The following ANTXRL variants were observed in gnomAD, a reference collection of about 807,000 sequenced individuals.
ANTXRL encodes ANTXR like.
Under a neutral mutation model 75.4 loss-of-function variants are expected in ANTXRL, and 63 were observed. The ratio of observed to expected loss-of-function variants is 0.84; its 90% confidence interval spans 0.68 to 1.03. The LOEUF (loss-of-function observed/expected upper bound fraction) is 1.03. ANTXRL is among the 50% of genes least tolerant of loss of function. The pLI is 0.00. For missense variants in ANTXRL, 797 were observed against 789.4 expected (o/e 1.01, Z -0.12); for synonymous variants, 335 against 291.3 (o/e 1.15, Z -1.53).
intron 10 of ANTXRL, among the ~76,000 whole-genome samples, chr10:46,303,168 C>A (rs1317866305): frequency 1.3e-5 from 2 of 152,200 alleles, no homozygotes; most frequent in African/African-American, 4.8e-5. Context: ...GCCCACAAGG[C>A]TACTTCTAGG....
intron 9 of ANTXRL, among the ~76,000 whole-genome samples, chr10:46,300,628 T>C (rs34576453): frequency 0.083 from 12,517 of 151,474 alleles, 1,210 homozygotes; most frequent in African/African-American, 0.24. Flanking sequence ...GCACAGGCAC[T>C]CTGCAAGCCT....
Position 46,316,719 on chromosome 10 carries a change from C to T in ANTXRL, c.1410+3403C>T, listed in dbSNP as rs372352802. ...TCTCTCTACAGTGCAAAATGTCACA[C>T]GGCAGGTCCTCAAATAACGTTTCAT... is the stretch of plus-strand genomic sequence containing the variant. On this transcript the variant is annotated intron_variant, in intron 16 of 16. Transcript: ENST00000620264. Among the ~76,000 whole-genome samples the T allele has an allele frequency of 1.4e-4, 22 of 152,240 alleles. No individual in the cohort carries two copies. The East Asian group carries it at 2.7e-3, about 19-fold the overall frequency.
intron 16 of ANTXRL, among the ~76,000 whole-genome samples, chr10:46,319,860 C>T (rs1481244950): frequency 6.6e-6 from 1 of 152,082 alleles, no homozygotes; most frequent in Non-Finnish European, 1.5e-5. Flanking sequence ...ACAGTAATAC[C>T]AGCCAGCCAC....
At chr10:46,312,351 G>T (rs1243217829) in intron 15 of ANTXRL, among the ~76,000 whole-genome samples, 2 of 147,516 alleles carry the variant, frequency 1.4e-5, no homozygotes, top group Admixed American at 6.8e-5. Context: ...CTCCTTCACG[G>T]GCGGGTCCAG....
At chr10:46,313,511 A>G (rs544001766) in intron 16 of ANTXRL, among the ~76,000 whole-genome samples, 195 bp downstream of exon 16, 2 of 152,290 alleles carry the variant, frequency 1.3e-5, no homozygotes, top group African/African-American at 2.4e-5. Flanking sequence ...TCCTTTGTTC[A>G]TCACCTGGGG....
At chr10:46,297,520 C>T in intron 7 of ANTXRL, 46 bp downstream of exon 7, 1 of 1,525,524 alleles carries the variant, frequency 6.6e-7, no homozygotes, top group Non-Finnish European at 8.8e-7. Context: ...GCCTAGTGGT[C>T]ACTTTCGAGC....
chr10:46,300,034 C>T (rs1352073946), intron 9 of ANTXRL, among the ~76,000 whole-genome samples: 3 of 152,194 alleles, frequency 2.0e-5, no homozygotes, highest in Non-Finnish European at 2.9e-5. Flanking sequence ...ATGATGTCCC[C>T]TGGACACGCA....
intron 1 of ANTXRL, among the ~76,000 whole-genome samples, chr10:46,290,002 GAAT>G (rs569909761): frequency 1.3e-5 from 2 of 149,048 alleles, no homozygotes; most frequent in African/African-American, 2.5e-5. Flanking sequence ...TTTTATGGCT[GAAT>G]AATATTTCTC....
In ANTXRL at chr10:46,311,815, A is replaced by C. The variant is rs1418021137; in HGVS notation, c.1329+150A>C. On this transcript the variant is annotated intron_variant, in intron 15 of 16. Coordinates refer to ENST00000620264, the MANE Select transcript of ANTXRL (RefSeq NM_001278688.3). ...TGGACACTTGATGTCAAGAGCAACC[A>C]GATGCCCACCTCACCCTCGTGCCCC... 27 of 558,250 alleles carry C rather than the reference A, an allele frequency of 4.8e-5. 1 individual carries two copies. The highest frequency in any genetic ancestry group is 7.3e-5 in the Non-Finnish European group (23 of 315,872). 34.6% of individuals were successfully genotyped at this position (558,250 alleles called of 1,614,324 possible). A position where few individuals can be genotyped will look rare whatever the true frequency, so the allele number is the denominator to read the frequency against.
chr10:46,289,115 C>T (rs1390411299), intron 1 of ANTXRL, among the ~76,000 whole-genome samples: 2 of 152,154 alleles, frequency 1.3e-5, no homozygotes, highest in African/African-American at 4.8e-5. Flanking sequence ...GAAACAACAT[C>T]TACTGCCTGC....
At chr10:46,302,110 T>C (rs1229860480) in intron 9 of ANTXRL, among the ~76,000 whole-genome samples, 1 of 152,138 alleles carries the variant, frequency 6.6e-6, no homozygotes, top group Non-Finnish European at 1.5e-5. Flanking sequence ...GAATCACAGC[T>C]AAAACAGGGC....
Position 46,296,090 on chromosome 10 carries a change from G to A in ANTXRL, c.464G>A (p.Gly155Glu), listed in dbSNP as rs1554958544. 5.2e-6 allele frequency: 8 copies of A among 1,535,878 alleles called. No individual in the cohort carries two copies. The South Asian group carries it at 7.1e-5, about 14-fold the overall frequency. Reference sequence around the variant, plus strand: ...GACGGTCACACATTCATGCAGGCAGGATTTAGAAAGGTATAGACCCCTTGA... The same window carrying A: ...GACGGTCACACATTCATGCAGGCAGAATTTAGAAAGGTATAGACCCCTTGA... ...VPDGHTFMQA[G>E]FRKAIQQIES... The change falls in exon 4 of 17, where the codon GGA (glycine) becomes GAA (glutamate). Residue 155 changes from glycine (G) to glutamate (E), a missense_variant. Gly to Glu is a moderately conservative substitution (Grantham distance 98). Transcript: ENST00000620264.
chr10:46,313,289 A>G lies in ANTXRL; in HGVS notation c.1383A>G (p.Pro461=), dbSNP rs1272405484. 190 of 1,535,794 alleles carry G rather than the reference A, an allele frequency of 1.2e-4. No homozygotes were observed. The highest frequency in any genetic ancestry group is 1.6e-4 in the Non-Finnish European group (185 of 1,146,742). The change falls in exon 16 of 17, where the codon CCA becomes CCG. Residue 461 remains proline, a synonymous_variant. Transcript: ENST00000620264. The part of the protein sequence containing the change: ...DLSHASCHQV[P]WMCCQSRDQG... ...CTCACGCAAGCTGCCACCAGGTGCC[A>G]TGGATGTGTTGTCAGAGCAGGGACC...
intron 1 of ANTXRL, among the ~76,000 whole-genome samples, chr10:46,289,513 A>G (rs1276137208): frequency 6.6e-6 from 1 of 152,114 alleles, no homozygotes; most frequent in Admixed American, 6.5e-5. Flanking sequence ...GGATCGCTTG[A>G]GTCTAGGAGT....
intron 10 of ANTXRL, among the ~76,000 whole-genome samples, chr10:46,306,321 C>T (rs1299275862): frequency 2.0e-5 from 3 of 152,204 alleles, no homozygotes; most frequent in African/African-American, 7.2e-5. Flanking sequence ...CAACCTGCCC[C>T]CACCTGCTTT....
intron 16 of ANTXRL, among the ~76,000 whole-genome samples, chr10:46,326,278 T>C (rs1554966471): frequency 6.6e-6 from 1 of 151,970 alleles, no homozygotes; most frequent in Non-Finnish European, 1.5e-5. Context: ...TTAGGGATGA[T>C]GGAAGGCAGG....
intron 10 of ANTXRL, among the ~76,000 whole-genome samples, chr10:46,306,389 A>T (rs1838085232): frequency 6.6e-6 from 1 of 152,138 alleles, no homozygotes; most frequent in South Asian, 2.1e-4. Flanking sequence ...GCATTATTTC[A>T]TGTTCCTCTA....
In ANTXRL at chr10:46,330,026, T is replaced by C. The variant is rs1839423593; in HGVS notation, c.1838T>C (p.Leu613Pro). 1 of 1,532,550 alleles carries C rather than the reference T, an allele frequency of 6.5e-7. No individual in the cohort carries two copies. Among genetic ancestry groups the C allele is most frequent in the Non-Finnish European group, 8.7e-7 (1 of 1,145,232 alleles). 94.9% of individuals were successfully genotyped at this position (1,532,550 alleles called of 1,614,324 possible). A position where few individuals can be genotyped will look rare whatever the true frequency, so the allele number is the denominator to read the frequency against. The change falls in exon 17 of 17, where the codon CTG (leucine) becomes CCG (proline). Residue 613 changes from leucine to proline, a missense_variant. Leu to Pro is a moderately conservative substitution (Grantham distance 98, BLOSUM62 -3). Coordinates refer to ENST00000620264, the MANE Select transcript of ANTXRL (RefSeq NM_001278688.3). ...AGGATGCTGCCGCTGCTGTCCCCAC[T>C]GCTCAGGCACACGGCAGAACCCCCT... The part of the protein sequence containing the change: ...PSRMLPLLSP[L>P]LRHTAEPPLS...
intron 3 of ANTXRL, among the ~76,000 whole-genome samples, chr10:46,294,375 G>T (rs1837240700): frequency 6.6e-6 from 1 of 152,142 alleles, no homozygotes; most frequent in Non-Finnish European, 1.5e-5. Flanking sequence ...CCCAGACTGG[G>T]GAGCCCCTGG....
Sources: gnomAD v4.1 joint callset for allele counts (sites outside exome capture counted in the v4.1 genomes callset) on GRCh38, gnomAD v4.1.1 for gene constraint, MANE v1.5 for transcripts, NCBI Gene and HGNC (gene_info 2026-07-23, HGNC 2026-07-21) for gene names.